Variants in USP44 observed in about 807,000 individuals in gnomAD.
USP44 encodes the protein ubiquitin carboxyl-terminal hydrolase 44.
A neutral mutation model predicts 69.0 loss-of-function variants in USP44; 61 were observed. The observed-to-expected ratio is 0.88, with a 90% CI of 0.72 to 1.09. USP44 has a LOEUF of 1.09. Ranked by LOEUF, USP44 falls within the 50% of genes least tolerant of loss-of-function variation. USP44 has a pLI of 0.00. For synonymous variants in USP44, 297 were observed against 295.4 expected (o/e 1.01, Z -0.06); for missense variants, 753 against 849.9 (o/e 0.89, Z 1.42).
chr12:95,549,316 G>GT (rs1193661498), intron 1 of USP44, among the ~76,000 whole-genome samples: 6 of 152,202 alleles, frequency 3.9e-5, no homozygotes, highest in Non-Finnish European at 5.9e-5. Context: ...TGTGAATTGG[G>GT]TTTTTTCGCA....
At chr12:95,526,507 G>T (rs2076839929) in intron 3 of USP44, among the ~76,000 whole-genome samples, 4 of 152,170 alleles carry the variant, frequency 2.6e-5, no homozygotes, top group Admixed American at 2.6e-4. Flanking sequence ...AGGAGGCGGA[G>T]CTTGCAGTGA....
Position 95,534,696 on chromosome 12 carries a change from G to A in USP44, c.-70-370C>T, listed in dbSNP as rs79229909. Among the ~76,000 whole-genome samples, 139 of 140,196 alleles carry A rather than the reference G, an allele frequency of 9.9e-4. 2 individuals carry two copies. In the East Asian group the frequency reaches 0.026, roughly 27 times the overall value. 92.0% of individuals were successfully genotyped at this position (140,196 alleles called of 152,430 possible). On this transcript the variant is annotated intron_variant, in intron 1 of 5. Coordinates refer to ENST00000258499, the MANE Select transcript of USP44 (RefSeq NM_032147.5). ...CATTCCCTTTTTTTTTTTTTTTTGA[G>A]ACAGAGTCTTGCTCTGTGGCCCAGG...
At chr12:95,538,662 T>A (rs1018713543) in intron 1 of USP44, among the ~76,000 whole-genome samples, 1 of 152,172 alleles carries the variant, frequency 6.6e-6, no homozygotes, top group Middle Eastern at 3.2e-3. Flanking sequence ...TGTCTACTTA[T>A]GAAAGAAATC....
intron 5 of USP44, among the ~76,000 whole-genome samples, chr12:95,519,126 C>T (rs1477312416): frequency 1.3e-5 from 2 of 152,050 alleles, no homozygotes; most frequent in Non-Finnish European, 2.9e-5. Context: ...AAAAATCAGC[C>T]AGGAATTATG....
Position 95,533,849 on chromosome 12 carries a change from G to C in USP44, c.408C>G (p.Ala136=), listed in dbSNP as rs777677391. 1 of 1,614,000 alleles carries C rather than the reference G, an allele frequency of 6.2e-7. No individual in the cohort carries two copies. Among genetic ancestry groups the C allele is most frequent in the Non-Finnish European group, 8.5e-7 (1 of 1,180,022 alleles). The change falls in exon 2 of 6, where the codon GCC becomes GCG. Residue 136 remains alanine, a synonymous_variant. Coordinates refer to ENST00000258499, the MANE Select transcript of USP44 (RefSeq NM_032147.5). The part of the protein sequence containing the change: ...GDDSYFLHDG[A]QSLLQSEDQL... ...GATCTTCACTTTGAAGCAGAGATTG[G>C]GCACCGTCATGTAAGAAATAAGAAT...
Position 95,533,316 on chromosome 12 carries a change from G to A in USP44, c.941C>T (p.Ala314Val). 6.2e-7 allele frequency: 1 copy of A among 1,614,040 alleles called. No homozygotes were observed. The highest frequency in any genetic ancestry group is 1.3e-5 in the African/African-American group (1 of 75,036). ...CTTACAAGATCTTGTCTTCTCGCTA[G>A]CAGTCATAGCCAGCCATTGGTTCAG... ...LDLNQWLAMTASEKTRSCKHP... is the reference protein window; with the variant it reads ...LDLNQWLAMTVSEKTRSCKHP... Residue 314 changes from alanine to valine, a missense_variant, in exon 2 of 6, where the codon GCT becomes GTT. By Grantham distance (64) the Ala-to-Val change is moderately conservative. Transcript: ENST00000258499.
chr12:95,537,768 T>C (rs1466382929), intron 1 of USP44, among the ~76,000 whole-genome samples: 1 of 152,242 alleles, frequency 6.6e-6, no homozygotes, highest in East Asian at 1.9e-4. Context: ...ATACATTTAT[T>C]CTGAGGTTAC....
chr12:95,523,703 A>G (rs1055181962), intron 4 of USP44, among the ~76,000 whole-genome samples: 2 of 151,716 alleles, frequency 1.3e-5, no homozygotes, highest in African/African-American at 4.8e-5. Flanking sequence ...AAAAAAAAAA[A>G]AAAGAGATAC....
intron 1 of USP44, among the ~76,000 whole-genome samples, chr12:95,539,528 A>G (rs184216109): frequency 2.6e-5 from 4 of 152,296 alleles, no homozygotes; most frequent in East Asian, 3.9e-4. Context: ...GCCCGGCCCA[A>G]TGAAATGGCT....
rs541453489 is a variant in USP44, at chr12:95,548,661, A to C, written c.-71+2611T>G. ...ACCCCCCAGCGCCCTGCGCGGCGAG[A>C]ATAGGCCCCCAGGTGCCTCCCGGCC... is the stretch of plus-strand genomic sequence containing the variant. On this transcript the variant is annotated intron_variant, in intron 1 of 5. Coordinates refer to ENST00000258499, the MANE Select transcript of USP44 (RefSeq NM_032147.5). The surrounding 1 kb of genome is among the most constrained non-coding windows in gnomAD (Gnocchi z 4.1). 8 of 151,740 alleles carry C rather than the reference A, an allele frequency of 5.3e-5. No individual in the cohort carries two copies. In the East Asian group the frequency reaches 1.4e-3, roughly 26 times the overall value. 9.4% of individuals were successfully genotyped at this position (151,740 alleles called of 1,614,324 possible).
rs2076532777 is a variant in USP44 at position 95,518,139 on chromosome 12, C to T, written c.*15G>A. The T allele has an allele frequency of 1.2e-6, 2 of 1,613,324 alleles. No homozygotes were observed. The highest frequency in any genetic ancestry group is 1.7e-6 in the Non-Finnish European group (2 of 1,179,598). ...TATATATAAATCACAGGAAGAAAAC[C>T]CCATTGTCTTTGGATCAGCTAAGGA... is the stretch of plus-strand genomic sequence containing the variant. On this transcript the variant is annotated 3_prime_UTR_variant, in exon 6 of 6. Transcript: ENST00000258499.
At chr12:95,541,456 A>G (rs1290949303) in intron 1 of USP44, among the ~76,000 whole-genome samples, 3 of 151,978 alleles carry the variant, frequency 2.0e-5, no homozygotes, top group East Asian at 3.9e-4. Context: ...GCGTGTGCCT[A>G]TAAGCCCAGC....
chr12:95,544,439 C>T (rs1451226480), intron 1 of USP44, among the ~76,000 whole-genome samples: 2 of 152,204 alleles, frequency 1.3e-5, no homozygotes, highest in East Asian at 3.9e-4. Context: ...GGAAAGAAAG[C>T]ATGGAAAGGG....
chr12:95,548,676 GC>G lies in USP44; in HGVS notation c.-71+2595del, dbSNP rs890387748. 2.6e-5 allele frequency: 4 copies of G among 152,132 alleles called. No individual in the cohort carries two copies. Among genetic ancestry groups the G allele is most frequent in the Non-Finnish European group, 4.4e-5 (3 of 68,120 alleles). The allele number at this position is 152,132 out of a possible 1,614,324, so 9.4% of individuals were successfully genotyped here. On this transcript the variant is annotated intron_variant, in intron 1 of 5. Transcript: ENST00000258499. The surrounding 1 kb of genome is among the most constrained non-coding windows in gnomAD (Gnocchi z 4.1). ...GCGCGGCGAGAATAGGCCCCCAGGT[GC>G]CTCCCGGCCCCGGGGGCTGCCGTCG...
rs1592698274 is a variant in USP44, at chr12:95,529,942, A to G, written c.1429-940T>C. 2.6e-5 allele frequency among the ~76,000 whole-genome samples: 4 copies of G among 152,350 alleles called. 1 individual carries two copies. Among genetic ancestry groups the G allele is most frequent in the Admixed American group, 2.6e-4 (4 of 15,300 alleles). On this transcript the variant is annotated intron_variant, in intron 2 of 5. Coordinates refer to ENST00000258499, the MANE Select transcript of USP44 (RefSeq NM_032147.5). The stretch of plus-strand genomic sequence containing the variant: ...AACATTAAAATCCCCATCCAAACAC[A>G]GAAAACACGAAAAACATGGAGCTGT...
chr12:95,518,376 AT>A, intron 5 of USP44, 23 bp from the exon 6 acceptor site: 1 of 1,608,296 alleles, frequency 6.2e-7, no homozygotes, highest in Non-Finnish European at 8.5e-7. Flanking sequence ...ACAGAAATAC[AT>A]TTATGAAGGG....
chr12:95,519,467 T>G (rs1199824651), intron 5 of USP44, among the ~76,000 whole-genome samples: 1 of 123,942 alleles, frequency 8.1e-6, no homozygotes, highest in Admixed American at 1.1e-4. Context: ...TGAGATGGAG[T>G]CTCGCTCTGT....
intron 3 of USP44, among the ~76,000 whole-genome samples, chr12:95,527,521 G>A (rs537718432): frequency 5.9e-4 from 90 of 152,208 alleles, no homozygotes; most frequent in African/African-American, 2.1e-3. Context: ...GGCTTGTTCT[G>A]TCATCCAGGA....
At chr12:95,545,394 A>G (rs1344754659) in intron 1 of USP44, among the ~76,000 whole-genome samples, 2 of 152,216 alleles carry the variant, frequency 1.3e-5, no homozygotes, top group Non-Finnish European at 2.9e-5. Flanking sequence ...TTAAACAGTA[A>G]CAAACCAAAC....
Sources: gnomAD v4.1 joint callset for allele counts (sites outside exome capture counted in the v4.1 genomes callset) on GRCh38, gnomAD v4.1.1 for gene constraint, Gnocchi (gnomAD v3.1) non-coding constraint, MANE v1.5 for transcripts, NCBI Gene and HGNC (gene_info 2026-07-23, HGNC 2026-07-21) for gene names.